ZNF490: variants seen among roughly 807,000 people sequenced by gnomAD.
ZNF490 encodes the protein zinc finger protein 490.
Under a neutral mutation model 17.7 loss-of-function variants are expected in ZNF490, and 11 were observed. The ratio of observed to expected loss-of-function variants is 0.62; its 90% CI spans 0.39 to 1.03. ZNF490 has a LOEUF of 1.03. Among genes scored for constraint, ZNF490 ranks in the 50% least tolerant of loss-of-function variants. The pLI is 0.00. For synonymous variants in ZNF490, 222 were observed against 216.1 expected (o/e 1.03, Z -0.24); for missense variants, 542 against 643.4 (o/e 0.84, Z 1.71).
rs1391547610 is a variant in ZNF490 at position 12,583,850 on chromosome 19, G to A, written c.163-294C>T. 1.8e-4 allele frequency among the ~76,000 whole-genome samples: 21 copies of A among 119,460 alleles called. No individual in the cohort carries two copies. In the Admixed American group the frequency reaches 2.0e-3, roughly 11 times the overall value. The allele number at this position is 119,460 out of a possible 152,430, so 78.4% of individuals were successfully genotyped here. On this transcript the variant is annotated intron_variant, in intron 2 of 4. Transcript: ENST00000311437. ...TTTTTTGAAACATTCTTGCTCTGTC[G>A]CCCAGGCTGGAGTGCAGTGGCACAA...
At position 12,577,719 on chromosome 19, in the gene ZNF490, T is replaced by A; in HGVS notation, c.*2766A>T. ...CTGCCACCTGACCCATCCCTGCTGT[T>A]GGGGGAGGGTGGAGGCCAGAGGCCT... On this transcript the variant is annotated 3_prime_UTR_variant, in exon 5 of 5. Transcript: ENST00000311437. 2 of 985,458 alleles carry A rather than the reference T, an allele frequency of 2.0e-6. No homozygotes were observed. Among genetic ancestry groups the A allele is most frequent in the South Asian group, 4.7e-5 (1 of 21,276 alleles). The allele number at this position is 985,458 out of a possible 1,614,324, so 61.0% of individuals were successfully genotyped here. A position where few individuals can be genotyped will look rare whatever the true frequency, so the allele number is the denominator to read the frequency against.
chr19:12,580,180 C>G lies in ZNF490; in HGVS notation c.*305G>C. On this transcript the variant is annotated 3_prime_UTR_variant, in exon 5 of 5. Coordinates refer to ENST00000311437, the MANE Select transcript of ZNF490 (RefSeq NM_020714.3). ...ATAGAATTTTCTTTATAGTTTCTCT[C>G]CAGTATATATTCTCAGGTGTCTTTA... The G allele has an allele frequency of 9.0e-7, 1 of 1,112,522 alleles. No individual in the cohort carries two copies. Among genetic ancestry groups the G allele is most frequent in the Non-Finnish European group, 1.1e-6 (1 of 910,666 alleles). The allele number at this position is 1,112,522 out of a possible 1,614,324, so 68.9% of individuals were successfully genotyped here.
chr19:12,610,578 A>G lies in ZNF490; in HGVS notation c.103T>C (p.Ser35Pro), dbSNP rs1235523056. The change falls in exon 1 of 5, where the codon TCT (serine) becomes CCT (proline). Residue 35 changes from serine (S) to proline (P), a missense_variant. By Grantham distance (74) the Ser-to-Pro change is moderately conservative. Coordinates refer to ENST00000311437, the MANE Select transcript of ZNF490 (RefSeq NM_020714.3). ...SSQGRTGTGG[S>P]DVLQMQNSEH... ...GCCCCTGGTACCTGGAGGACATCAG[A>G]CCCTCCTGTTCCTGTGCGGCCTTGA... is the stretch of plus-strand genomic sequence containing the variant. 1 of 1,613,324 alleles carries G rather than the reference A, an allele frequency of 6.2e-7. No homozygotes were observed. The highest frequency in any genetic ancestry group is 1.3e-5 in the African/African-American group (1 of 74,812).
chr19:12,599,742 A>G (rs370867633), intron 2 of ZNF490, among the ~76,000 whole-genome samples: 1 of 152,004 alleles, frequency 6.6e-6, no homozygotes, highest in African/African-American at 2.4e-5. Context: ...GATTATAAGA[A>G]GGCATGGGAA....
At chr19:12,585,881 G>A (rs1430627804) in intron 2 of ZNF490, among the ~76,000 whole-genome samples, 1 of 92,640 alleles carries the variant, frequency 1.1e-5, no homozygotes, top group East Asian at 2.1e-4. Context: ...GTAGAGACAG[G>A]GTGTTTCTTC....
chr19:12,583,010 T>C, intron 3 of ZNF490, 100 bp from the exon 4 acceptor site: 1 of 961,124 alleles, frequency 1.0e-6, no homozygotes, highest in Non-Finnish European at 1.6e-6. Flanking sequence ...GCTATGACAC[T>C]GTCTGATCTA....
chr19:12,576,248 C>T lies in ZNF490; in HGVS notation c.*4237G>A, dbSNP rs2022632569. On this transcript the variant is annotated 3_prime_UTR_variant, in exon 5 of 5. Coordinates refer to ENST00000311437, the MANE Select transcript of ZNF490 (RefSeq NM_020714.3). ...TCCAGCCGGGCCTGGTGGCTCAAGC[C>T]TCTAATCCCAGCACTTTGAGAGGCC... is the stretch of plus-strand genomic sequence containing the variant. Among the ~76,000 whole-genome samples the T allele has an allele frequency of 6.6e-6, 1 of 152,180 alleles. No homozygotes were observed. Among genetic ancestry groups the T allele is most frequent in the African/African-American group, 2.4e-5 (1 of 41,448 alleles).
rs565264983 is a variant in ZNF490 at position 12,578,198 on chromosome 19, A to T, written c.*2287T>A. The T allele has an allele frequency of 3.9e-5, 38 of 985,520 alleles. No individual in the cohort carries two copies. The East Asian group carries it at 3.7e-3, about 97-fold the overall frequency. The allele number at this position is 985,520 out of a possible 1,614,324, so 61.0% of individuals were successfully genotyped here. ...GACGTGAGAAGGCCGGAGCATCATC[A>T]GTGCATATGCCGCTGAATATCTCAG... On this transcript the variant is annotated 3_prime_UTR_variant, in exon 5 of 5. Coordinates refer to ENST00000311437, the MANE Select transcript of ZNF490 (RefSeq NM_020714.3).
In ZNF490 at chr19:12,580,718, G is replaced by C. The variant is rs534425378; in HGVS notation, c.1357C>G (p.Arg453Gly). 1 of 1,614,056 alleles carries C rather than the reference G, an allele frequency of 6.2e-7. No homozygotes were observed. Among genetic ancestry groups the C allele is most frequent in the Non-Finnish European group, 8.5e-7 (1 of 1,180,018 alleles). Residue 453 changes from arginine to glycine, a missense_variant, in exon 5 of 5, where the codon CGG becomes GGG. Coordinates refer to ENST00000311437, the MANE Select transcript of ZNF490 (RefSeq NM_020714.3). Reference sequence around the variant, plus strand: ...AGGTGACTGAAGTAAATGAAGACCCGACCACACTGTTTGCATTCATAGGGT... The same window carrying C: ...AGGTGACTGAAGTAAATGAAGACCCCACCACACTGTTTGCATTCATAGGGT... ...EKPYECKQCG[R>G]VFIYFSHLRR...
rs919360603 is a variant in ZNF490 at position 12,596,283 on chromosome 19, G to A, written c.163-12727C>T. Among the ~76,000 whole-genome samples the A allele has an allele frequency of 3.9e-4, 34 of 87,038 alleles. 1 individual carries two copies. The highest frequency in any genetic ancestry group is 1.4e-3 in the Admixed American group (14 of 9,726). The allele number at this position is 87,038 out of a possible 152,430, so 57.1% of individuals were successfully genotyped here. ...CCGTCTCAAAAAAAAAAAAAAAAGT[G>A]ATTTGATCAAGGAATCCAAGGGAAA... On this transcript the variant is annotated intron_variant, in intron 2 of 4. Transcript: ENST00000311437.
In ZNF490 at chr19:12,578,381, A is replaced by C. The variant is rs1251427365; in HGVS notation, c.*2104T>G. On this transcript the variant is annotated 3_prime_UTR_variant, in exon 5 of 5. Coordinates refer to ENST00000311437, the MANE Select transcript of ZNF490 (RefSeq NM_020714.3). The stretch of plus-strand genomic sequence containing the variant: ...GGTGCAGGGCTGGTAACCGCAGGAG[A>C]GTGGATGCTGTGTGGTCAAGGGGTG... The C allele has an allele frequency of 1.0e-6, 1 of 985,538 alleles. No homozygotes were observed. The highest frequency in any genetic ancestry group is 1.2e-6 in the Non-Finnish European group (1 of 830,038). The allele number at this position is 985,538 out of a possible 1,614,324, so 61.0% of individuals were successfully genotyped here. A position where few individuals can be genotyped will look rare whatever the true frequency, so the allele number is the denominator to read the frequency against.
chr19:12,581,491 T>C lies in ZNF490; in HGVS notation c.584A>G (p.Lys195Arg). ...GAAGGTTTTCCCACATTCTTTGCAT[T>C]TATGTGGCTTCTCTCCATATTCGTG... is the stretch of plus-strand genomic sequence containing the variant. ...ECHEYGEKPH[K>R]CKECGKTFTR... The change falls in exon 5 of 5, where the codon AAA becomes AGA. Residue 195 changes from lysine to arginine, a missense_variant. By Grantham distance (26) the Lys-to-Arg change is conservative. Coordinates refer to ENST00000311437, the MANE Select transcript of ZNF490 (RefSeq NM_020714.3). 1 of 1,614,226 alleles carries C rather than the reference T, an allele frequency of 6.2e-7. No individual in the cohort carries two copies. Among genetic ancestry groups the C allele is most frequent in the Non-Finnish European group, 8.5e-7 (1 of 1,180,050 alleles).
rs143893434 is a variant in ZNF490 at position 12,609,846 on chromosome 19, G to T, written c.118-644C>A. Reference sequence around the variant, plus strand: ...AGATGCCAATAGGTTGGACAGAGAGGGGGGATGAGGGATGAAATATTACCT... The same window carrying T: ...AGATGCCAATAGGTTGGACAGAGAGTGGGGATGAGGGATGAAATATTACCT... On this transcript the variant is annotated intron_variant, in intron 1 of 4. Transcript: ENST00000311437. The T allele has an allele frequency of 1.9e-5, 8 of 428,798 alleles. No individual in the cohort carries two copies. In the Admixed American group the frequency reaches 2.3e-4, roughly 12 times the overall value. The allele number at this position is 428,798 out of a possible 1,614,324, so 26.6% of individuals were successfully genotyped here.
chr19:12,593,168 T>C (rs1568280504), intron 2 of ZNF490, among the ~76,000 whole-genome samples: 2 of 152,168 alleles, frequency 1.3e-5, no homozygotes, highest in South Asian at 2.1e-4. Flanking sequence ...ATTGTGGGAT[T>C]ACCCTCTGTA....
chr19:12,590,360 G>A (rs2022855328), intron 2 of ZNF490, among the ~76,000 whole-genome samples: 1 of 151,784 alleles, frequency 6.6e-6, no homozygotes, highest in Non-Finnish European at 1.5e-5. Flanking sequence ...GGGATTACAG[G>A]TGCACCCAAC....
intron 2 of ZNF490, among the ~76,000 whole-genome samples, chr19:12,600,587 G>C (rs1178130407): frequency 2.0e-5 from 3 of 152,006 alleles, no homozygotes; most frequent in Non-Finnish European, 4.4e-5. Flanking sequence ...TATGTTATCA[G>C]TAATAATTAT....
At position 12,576,956 on chromosome 19, in the gene ZNF490, C is replaced by T. The variant is rs2022649825; in HGVS notation, c.*3529G>A. On this transcript the variant is annotated 3_prime_UTR_variant, in exon 5 of 5. Transcript: ENST00000311437. ...ATACAGGTGGACAGACACAAATTCACAAACCCACAGGTGTAACAGCCCAGA... is the reference window on the plus strand; with the variant it reads ...ATACAGGTGGACAGACACAAATTCATAAACCCACAGGTGTAACAGCCCAGA... Among the ~76,000 whole-genome samples the T allele has an allele frequency of 6.6e-6, 1 of 151,600 alleles. No homozygotes were observed. The highest frequency in any genetic ancestry group is 1.5e-5 in the Non-Finnish European group (1 of 67,998).
Position 12,584,346 on chromosome 19 carries a change from C to A in ZNF490, c.163-790G>T, listed in dbSNP as rs181189480. 6.5e-3 allele frequency among the ~76,000 whole-genome samples: 573 copies of A among 88,266 alleles called. 147 individuals carry two copies. The highest frequency in any genetic ancestry group is 0.018 in the African/African-American group (539 of 29,330). 57.9% of individuals were successfully genotyped at this position (88,266 alleles called of 152,430 possible). ...TAATTTTTTGTATTTTTAGTAGAGA[C>A]GGGGTTTCACCATGTTAGCCAGGAT... On this transcript the variant is annotated intron_variant, in intron 2 of 4. Transcript: ENST00000311437.
intron 4 of ZNF490, 31 bp from the exon 5 acceptor site, chr19:12,581,755 G>C: frequency 6.6e-7 from 1 of 1,505,820 alleles, no homozygotes; most frequent in Non-Finnish European, 9.0e-7. Flanking sequence ...ATTATTAATA[G>C]TTTTGTATTA....
Sources: gnomAD v4.1 joint callset for allele counts (sites outside exome capture counted in the v4.1 genomes callset) on GRCh38, gnomAD v4.1.1 for gene constraint, MANE v1.5 for transcripts, NCBI Gene and HGNC (gene_info 2026-07-23, HGNC 2026-07-21) for gene names.